The following QTMAN variants were observed in gnomAD, a reference collection of about 807,000 sequenced individuals.
QTMAN encodes queuosine-tRNA mannosyltransferase, also known as tRNA-queuosine alpha-mannosyltransferase.
the QTMAN span, among the ~76,000 whole-genome samples, chr2:143,948,060 A>G: frequency 6.6e-6 from 1 of 152,208 alleles, no homozygotes; most frequent in Non-Finnish European, 1.5e-5. Flanking sequence ...AGGACTCTGG[A>G]GCAGTATTAA....
At chr2:144,061,953 C>T in the QTMAN span, among the ~76,000 whole-genome samples, 2 of 152,186 alleles carry the variant, frequency 1.3e-5, no homozygotes, top group Admixed American at 1.3e-4. Context: ...ATCTTCCCAC[C>T]CCATCCCCTC....
chr2:144,332,283 G>A, the QTMAN span, among the ~76,000 whole-genome samples: 2 of 150,492 alleles, frequency 1.3e-5, no homozygotes, highest in African/African-American at 4.9e-5. Context: ...CACACCCCCC[G>A]CCCCCGGCTC....
At chr2:144,240,919 C>G in the QTMAN span, among the ~76,000 whole-genome samples, 1 of 152,172 alleles carries the variant, frequency 6.6e-6, no homozygotes, top group Non-Finnish European at 1.5e-5. Flanking sequence ...CTCACTTAAG[C>G]AGAGTGGTGC....
the QTMAN span, among the ~76,000 whole-genome samples, chr2:144,329,380 A>G: frequency 6.6e-6 from 1 of 152,192 alleles, no homozygotes; most frequent in East Asian, 1.9e-4. Context: ...ACAACCTAAA[A>G]CTATTTAAAA....
chr2:144,094,131 C>T, the QTMAN span, among the ~76,000 whole-genome samples: 1 of 152,172 alleles, frequency 6.6e-6, no homozygotes, highest in South Asian at 2.1e-4. Context: ...ATACAATAAA[C>T]TGCGCATTAA....
At chr2:144,142,103 G>C in the QTMAN span, 3 of 1,402,818 alleles carry the variant, frequency 2.1e-6, no homozygotes, top group Non-Finnish European at 3.0e-6. Flanking sequence ...GACTCATTCA[G>C]AGTAATTTTT....
At chr2:144,145,632 T>A in the QTMAN span, 3 of 1,610,562 alleles carry the variant, frequency 1.9e-6, no homozygotes, top group Non-Finnish European at 2.5e-6. Context: ...CTTGACAGGA[T>A]ATATCAACTG....
the QTMAN span, among the ~76,000 whole-genome samples, chr2:144,215,309 T>TAC: frequency 1.6e-3 from 241 of 149,630 alleles, 1 homozygote; most frequent in African/African-American, 5.4e-3. Context: ...TATATATATA[T>TAC]ACACACACAC....
chr2:144,286,781 A>T, the QTMAN span, among the ~76,000 whole-genome samples: 1 of 152,226 alleles, frequency 6.6e-6, no homozygotes, highest in Admixed American at 6.5e-5. Flanking sequence ...AAGAAAGAAA[A>T]AAAATGGTAT....
chr2:144,016,222 C>T, the QTMAN span, among the ~76,000 whole-genome samples: 2 of 152,052 alleles, frequency 1.3e-5, no homozygotes, highest in Admixed American at 1.3e-4. Context: ...GTCTGTTAAC[C>T]CCCCAAATTG....
chr2:144,122,546 A>G, the QTMAN span, among the ~76,000 whole-genome samples: 1 of 152,274 alleles, frequency 6.6e-6, no homozygotes, highest in East Asian at 1.9e-4. Flanking sequence ...AGGATACTAA[A>G]TGAAAGTCTC....
chr2:143,947,180 T>A, the QTMAN span: 1 of 1,346,608 alleles, frequency 7.4e-7, no homozygotes, highest in Non-Finnish European at 1.1e-6. Flanking sequence ...TGAAGAGCAT[T>A]AATGACTAAA....
the QTMAN span, among the ~76,000 whole-genome samples, chr2:144,075,971 G>A: frequency 2.3e-3 from 354 of 152,308 alleles, 1 homozygote; most frequent in African/African-American, 7.9e-3. Context: ...TATGTATGCC[G>A]GGTGCAGTGG....
At chr2:143,960,170 C>T in the QTMAN span, among the ~76,000 whole-genome samples, 1 of 152,054 alleles carries the variant, frequency 6.6e-6, no homozygotes, top group African/African-American at 2.4e-5. Context: ...CAGGTTGTGT[C>T]AGATACAACT....
chr2:144,118,652 G>A, the QTMAN span, among the ~76,000 whole-genome samples: 1 of 152,148 alleles, frequency 6.6e-6, no homozygotes, highest in Non-Finnish European at 1.5e-5. Context: ...GGGAGGCCGA[G>A]GTGGGTGGAT....
the QTMAN span, among the ~76,000 whole-genome samples, chr2:144,289,898 C>A: frequency 6.6e-6 from 1 of 152,298 alleles, no homozygotes; most frequent in East Asian, 1.9e-4. Flanking sequence ...AAAGCTACCT[C>A]CTCACATATA....
At chr2:144,254,446 A>G in the QTMAN span, among the ~76,000 whole-genome samples, 5 of 152,174 alleles carry the variant, frequency 3.3e-5, no homozygotes, top group Non-Finnish European at 7.3e-5. Flanking sequence ...AATAAAATAC[A>G]AAAAGGAATT....
chr2:144,207,196 G>A, the QTMAN span, among the ~76,000 whole-genome samples: 39 of 151,842 alleles, frequency 2.6e-4, no homozygotes, highest in Non-Finnish European at 4.4e-4. Flanking sequence ...CTTTAAATTC[G>A]AAAAAAATAC....
chr2:143,944,022 AAAC>A, the QTMAN span: 1 of 152,064 alleles, frequency 6.6e-6, no homozygotes, highest in Admixed American at 6.5e-5. Flanking sequence ...TAAAAGAAAA[AAAC>A]AATCGAGTGT....
Sources: allele counts gnomAD v4.1 joint callset (sites outside exome capture counted in the v4.1 genomes callset), GRCh38; gene constraint gnomAD v4.1.1; transcripts MANE v1.5; gene names NCBI Gene and HGNC (gene_info 2026-07-23, HGNC 2026-07-21).